PAK2: variants seen among roughly 807,000 people sequenced by gnomAD.
PAK2 encodes the protein p21 (RAC1) activated kinase 2.
PAK2 carries 21 observed loss-of-function variants against 65.9 expected under a neutral mutation model. The observed-to-expected ratio is 0.32, with a 90% CI of 0.23 to 0.46. The LOEUF (loss-of-function observed/expected upper bound fraction) is 0.46. Among genes scored for constraint, PAK2 ranks in the 20% least tolerant of loss-of-function variants. The probability of loss-of-function intolerance (pLI) is 1.00; values close to 1 mark genes in which losing one functional copy is unlikely to be tolerated. For synonymous variants in PAK2, 204 were observed against 219.7 expected (o/e 0.93, Z 0.63); for missense variants, 324 against 642.6 (o/e 0.50, Z 5.36).
intron 12 of PAK2, among the ~76,000 whole-genome samples, chr3:196,819,004 T>C (rs867452503): frequency 3.9e-5 from 6 of 152,254 alleles, no homozygotes; most frequent in Non-Finnish European, 8.8e-5. Context: ...AATTCTCTCC[T>C]GTAGAATTTC....
chr3:196,760,102 C>T (rs1354454120), intron 1 of PAK2, among the ~76,000 whole-genome samples: 2 of 152,204 alleles, frequency 1.3e-5, no homozygotes, highest in South Asian at 2.1e-4. Context: ...ATTCCTTTTA[C>T]AGTCAAATGG....
intron 4 of PAK2, among the ~76,000 whole-genome samples, chr3:196,804,020 T>C (rs937239054): frequency 2.0e-5 from 3 of 152,230 alleles, no homozygotes; most frequent in Non-Finnish European, 4.4e-5. Flanking sequence ...CTGTCTTTTC[T>C]TGACGTTTAT....
At chr3:196,760,991 C>T (rs146844526) in intron 1 of PAK2, among the ~76,000 whole-genome samples, 1 of 152,078 alleles carries the variant, frequency 6.6e-6, no homozygotes, top group Non-Finnish European at 1.5e-5. Flanking sequence ...AATCCCAGCA[C>T]TTTGGGAGGC....
At chr3:196,806,398 A>G (rs1715585620) in intron 5 of PAK2, among the ~76,000 whole-genome samples, 181 bp from the exon 6 acceptor site, 1 of 152,180 alleles carries the variant, frequency 6.6e-6, no homozygotes, top group Non-Finnish European at 1.5e-5. Flanking sequence ...TTCATGATTC[A>G]TAGAATCGCC....
At chr3:196,828,220 A>T (rs1711949822) in intron 14 of PAK2, 99 bp from the exon 15 acceptor site, 1 of 703,356 alleles carries the variant, frequency 1.4e-6, no homozygotes, top group Admixed American at 2.4e-5. Flanking sequence ...TTAAATTATG[A>T]TCGACAAGTA....
intron 1 of PAK2, among the ~76,000 whole-genome samples, chr3:196,752,990 T>C (rs1713658339): frequency 6.6e-6 from 1 of 151,762 alleles, no homozygotes; most frequent in Admixed American, 6.6e-5. Context: ...AAAAATTTTT[T>C]TTTTTTTTGA....
In PAK2 at chr3:196,811,907, A is replaced by G. The variant is rs1242321932; in HGVS notation, c.774-312A>G. ...CGGAAAGGGCTTATGGGAATCTTCA[A>G]ATTATTTACAGTTATTTGTATCTTA... is the stretch of plus-strand genomic sequence containing the variant. On this transcript the variant is annotated intron_variant, in intron 8 of 14. Transcript: ENST00000327134. 2.0e-5 allele frequency among the ~76,000 whole-genome samples: 3 copies of G among 152,202 alleles called. No individual in the cohort carries two copies. In the East Asian group the frequency reaches 5.8e-4, roughly 29 times the overall value.
chr3:196,799,874 A>G (rs985078059), intron 2 of PAK2, among the ~76,000 whole-genome samples: 4 of 152,142 alleles, frequency 2.6e-5, no homozygotes, highest in Non-Finnish European at 5.9e-5. Context: ...TCAGTCTCCC[A>G]AAGTGCCAGG....
intron 14 of PAK2, among the ~76,000 whole-genome samples, chr3:196,827,858 C>A (rs944253336): frequency 2.7e-5 from 4 of 149,094 alleles, no homozygotes; most frequent in African/African-American, 9.9e-5. Context: ...GTTTGTGCAT[C>A]GTATCAATCC....
intron 11 of PAK2, among the ~76,000 whole-genome samples, chr3:196,816,135 CTTTAAG>C (rs1336959582): frequency 6.6e-5 from 10 of 152,172 alleles, no homozygotes; most frequent in African/African-American, 1.4e-4. Context: ...AAGGGCAAAA[CTTTAAG>C]TTTATAAGAC....
At chr3:196,825,876 T>C (rs1465481856) in intron 13 of PAK2, among the ~76,000 whole-genome samples, 1 of 152,188 alleles carries the variant, frequency 6.6e-6, no homozygotes, top group Non-Finnish European at 1.5e-5. Flanking sequence ...AGAGTCTTGC[T>C]GTCTTGTCCA....
At chr3:196,747,626 A>G (rs1002737202) in intron 1 of PAK2, among the ~76,000 whole-genome samples, 1 of 152,178 alleles carries the variant, frequency 6.6e-6, no homozygotes, top group African/African-American at 2.4e-5. Context: ...TTCTATGAAA[A>G]CTTAGAACAT....
chr3:196,758,121 C>T (rs570223714), intron 1 of PAK2, among the ~76,000 whole-genome samples: 1 of 152,284 alleles, frequency 6.6e-6, no homozygotes, highest in South Asian at 2.1e-4. Context: ...CTACTCTGGG[C>T]TAAACACAGT....
At chr3:196,751,389 T>G (rs1237828878) in intron 1 of PAK2, among the ~76,000 whole-genome samples, 1 of 151,832 alleles carries the variant, frequency 6.6e-6, no homozygotes, top group Non-Finnish European at 1.5e-5. Flanking sequence ...GGCTCACTCC[T>G]GTAATCCTAG....
chr3:196,815,725 C>T (rs9835779), intron 11 of PAK2, among the ~76,000 whole-genome samples: 59,686 of 150,832 alleles, frequency 0.4, 12,242 homozygotes, highest in African/African-American at 0.49. Flanking sequence ...AGGCGGAGGT[C>T]ACAGTGAGCC....
intron 2 of PAK2, among the ~76,000 whole-genome samples, chr3:196,789,889 AG>A (rs1577723206): frequency 6.6e-6 from 1 of 152,310 alleles, no homozygotes; most frequent in Admixed American, 6.5e-5. Flanking sequence ...TCTCATGCGC[AG>A]TTCACAATAG....
chr3:196,807,210 A>AG (rs1715614725), intron 6 of PAK2, among the ~76,000 whole-genome samples: 1 of 152,168 alleles, frequency 6.6e-6, no homozygotes, highest in Non-Finnish European at 1.5e-5. Flanking sequence ...TCAGTACTGC[A>AG]GGTAGAGTGT....
chr3:196,816,465 T>C (rs943429926), intron 11 of PAK2, among the ~76,000 whole-genome samples: 1 of 152,198 alleles, frequency 6.6e-6, no homozygotes, highest in Non-Finnish European at 1.5e-5. Context: ...TTTTTTCTAA[T>C]ACATTTCTTT....
rs1160784831 is a variant in PAK2, at chr3:196,782,692, G to A, written c.46G>A (p.Val16Met). ...ELEDKPPAPPVRMSSTIFSTG... is the reference protein window; with the variant it reads ...ELEDKPPAPPMRMSSTIFSTG... ...GGAAGATAAGCCTCCAGCACCTCCT[G>A]TGCGAATGAGCAGCACCATCTTTAG... is the stretch of plus-strand genomic sequence containing the variant. Residue 16 changes from valine to methionine, a missense_variant, in exon 2 of 15, where the codon GTG (valine) becomes ATG (methionine). By Grantham distance (21) the Val-to-Met change is conservative. This residue lies in a region of PAK2 where 42 missense variants were observed against 67.4 expected (regional missense o/e 0.62). Transcript: ENST00000327134. 1.2e-6 allele frequency: 2 copies of A among 1,611,952 alleles called. No homozygotes were observed. Among genetic ancestry groups the A allele is most frequent in the Non-Finnish European group, 1.7e-6 (2 of 1,178,448 alleles).
Sources: allele counts gnomAD v4.1 joint callset (sites outside exome capture counted in the v4.1 genomes callset), GRCh38; gene constraint gnomAD v4.1.1; regional missense constraint gnomAD v4.1.1; transcripts MANE v1.5; gene names NCBI Gene and HGNC (gene_info 2026-07-23, HGNC 2026-07-21).